SSB: variants seen among roughly 807,000 people sequenced by gnomAD.
SSB encodes the protein small RNA binding exonuclease protection factor La, also known as lupus La protein.
SSB carries 17 observed loss-of-function variants against 52.9 expected under a neutral mutation model. That is an observed-to-expected ratio of 0.32 (90% CI 0.22 to 0.48). The LOEUF is 0.48. Among genes scored for constraint, SSB ranks in the 20% least tolerant of loss-of-function variants. The probability of loss-of-function intolerance (pLI) is 0.99; values close to 1 mark genes in which losing one functional copy is unlikely to be tolerated. For missense variants in SSB, 314 were observed against 463.6 expected, an observed-to-expected ratio of 0.68 and a Z score of 2.96; for synonymous variants, 111 against 152.1, an observed-to-expected ratio of 0.73 and a Z score of 1.99.
At position 169,803,285 on chromosome 2, in the gene SSB, C is replaced by G. The variant is rs1689749119; in HGVS notation, c.67-2189C>G. Among the ~76,000 whole-genome samples the G allele has an allele frequency of 2.0e-5, 3 of 151,856 alleles. No homozygotes were observed. The South Asian group carries it at 6.2e-4, about 31-fold the overall frequency. Reference sequence around the variant, plus strand: ...ATTTATTTATTTTTTGTGATGGAGTCTCACTCTTGTCTCCCAGGCTGGAGT... The same window carrying G: ...ATTTATTTATTTTTTGTGATGGAGTGTCACTCTTGTCTCCCAGGCTGGAGT... On this transcript the variant is annotated intron_variant, in intron 2 of 11. Transcript: ENST00000260956.
intron 6 of SSB, among the ~76,000 whole-genome samples, chr2:169,807,775 T>G (rs2105702187): frequency 1.8e-5 from 2 of 110,400 alleles, no homozygotes; most frequent in South Asian, 5.9e-4. Flanking sequence ...TACAAAGGAT[T>G]TGAGATTTGG....
chr2:169,809,838 G>A (rs921072015), intron 8 of SSB, among the ~76,000 whole-genome samples: 2 of 151,748 alleles, frequency 1.3e-5, no homozygotes, highest in African/African-American at 4.8e-5. Context: ...GGATGCTCTC[G>A]ATCTCTTGAC....
intron 7 of SSB, 66 bp from the exon 8 acceptor site, chr2:169,808,793 CT>C: frequency 7.6e-7 from 1 of 1,320,372 alleles, no homozygotes; most frequent in Non-Finnish European, 1.1e-6. Context: ...GATTGGTTAA[CT>C]TTATTAGGAC....
intron 2 of SSB, among the ~76,000 whole-genome samples, chr2:169,803,129 A>G (rs1689746041): frequency 6.6e-6 from 1 of 152,196 alleles, no homozygotes; most frequent in African/African-American, 2.4e-5. Context: ...AATACTAGGT[A>G]GTCTTGGTTT....
At chr2:169,808,749 CT>C (rs1303653164) in intron 7 of SSB, 110 bp from the exon 8 acceptor site, 1 of 1,089,790 alleles carries the variant, frequency 9.2e-7, no homozygotes, top group Non-Finnish European at 1.3e-6. Context: ...AACCTAAGGA[CT>C]TCTGGCTTTG....
At chr2:169,801,551 G>T (rs1034999816) in intron 2 of SSB, among the ~76,000 whole-genome samples, 14 of 100,544 alleles carry the variant, frequency 1.4e-4, no homozygotes, top group African/African-American at 5.0e-4. Context: ...GTCTCACTCT[G>T]TTGGCCACGC....
chr2:169,809,401 A>G (rs1228520979), intron 8 of SSB, among the ~76,000 whole-genome samples: 2 of 152,120 alleles, frequency 1.3e-5, no homozygotes, highest in Non-Finnish European at 2.9e-5. Context: ...ATATAATAAA[A>G]CACAGGAAAA....
intron 1 of SSB, among the ~76,000 whole-genome samples, chr2:169,800,448 C>T (rs1341417982): frequency 2.8e-5 from 4 of 145,388 alleles, no homozygotes; most frequent in Admixed American, 7.5e-5. Flanking sequence ...AAGGCGGAAT[C>T]GCTGGAACCT....
Position 169,806,977 on chromosome 2 carries a change from A to G in SSB, c.460A>G (p.Ile154Val), listed in dbSNP as rs1469063925. The change falls in exon 6 of 12, where the codon ATT becomes GTT. Residue 154 changes from isoleucine (I) to valine (V), a missense_variant. Coordinates refer to ENST00000260956, the MANE Select transcript of SSB (RefSeq NM_003142.5). ...RTLHKAFKGS[I>V]FVVFDSIESA... ...TTTTCCTTCCTTTTTACAGGGATCA[A>G]TTTTTGTTGTGTTTGATAGCATTGA... 12 of 1,613,412 alleles carry G rather than the reference A, an allele frequency of 7.4e-6. No homozygotes were observed. The highest frequency in any genetic ancestry group is 2.7e-5 in the African/African-American group (2 of 74,886).
At chr2:169,807,760 T>TTTTTTTTTTTA (rs1553482596) in intron 6 of SSB, among the ~76,000 whole-genome samples, 8 of 132,476 alleles carry the variant, frequency 6.0e-5, no homozygotes, top group African/African-American at 8.2e-5. Flanking sequence ...TTTTTTTTTT[T>TTTTTTTTTTTA]ACAGTACAAA....
At chr2:169,810,131 G>A (rs1225646512) in intron 8 of SSB, 152 bp from the exon 9 acceptor site, 1 of 420,324 alleles carries the variant, frequency 2.4e-6, no homozygotes, top group Non-Finnish European at 4.2e-6. Flanking sequence ...TTGAGATGGA[G>A]TTTCGCTCTT....
intron 8 of SSB, 106 bp from the exon 9 acceptor site, chr2:169,810,177 T>G: frequency 1.5e-6 from 1 of 685,754 alleles, no homozygotes. Context: ...TAAAATAGCA[T>G]TTTGGTTTCT....
chr2:169,802,461 C>T (rs1182146038), intron 2 of SSB, among the ~76,000 whole-genome samples: 2 of 149,880 alleles, frequency 1.3e-5, no homozygotes, highest in Admixed American at 6.6e-5. Flanking sequence ...TAAAATGTCT[C>T]ATGTTCCTTT....
chr2:169,808,011 T>G (rs960755181), intron 6 of SSB, among the ~76,000 whole-genome samples: 2 of 152,182 alleles, frequency 1.3e-5, no homozygotes, highest in Non-Finnish European at 2.9e-5. Context: ...GATTTTCATA[T>G]GTTATTGTTG....
chr2:169,810,714 T>A (rs915935565), intron 9 of SSB, 144 bp from the exon 10 acceptor site: 1 of 805,784 alleles, frequency 1.2e-6, no homozygotes, highest in Non-Finnish European at 1.9e-6. Context: ...TCTGTAGCAT[T>A]CCTTTTCTAC....
intron 2 of SSB, among the ~76,000 whole-genome samples, chr2:169,804,984 G>A (rs774964263): frequency 6.6e-6 from 1 of 152,024 alleles, no homozygotes; most frequent in Non-Finnish European, 1.5e-5. Flanking sequence ...ACAAAAATTC[G>A]CTGGGCGTGG....
At chr2:169,807,333 G>A (rs1689850105) in intron 6 of SSB, among the ~76,000 whole-genome samples, 1 of 151,692 alleles carries the variant, frequency 6.6e-6, no homozygotes, top group African/African-American at 2.4e-5. Context: ...TTGTCACCCA[G>A]GCTGGAGTGC....
intron 4 of SSB, 65 bp from the exon 5 acceptor site, chr2:169,806,720 C>A (rs1462747714): frequency 7.0e-6 from 9 of 1,283,396 alleles, no homozygotes; most frequent in Non-Finnish European, 9.9e-6. Context: ...GAATCAAATT[C>A]TCTCCAATTG....
intron 2 of SSB, 59 bp from the exon 3 acceptor site, chr2:169,805,415 T>A (rs1689808920): frequency 2.4e-6 from 3 of 1,247,366 alleles, no homozygotes; most frequent in South Asian, 1.3e-5. Flanking sequence ...TGTAGAGTAA[T>A]GTCAGGATTG....
Sources: allele counts gnomAD v4.1 joint callset (sites outside exome capture counted in the v4.1 genomes callset), GRCh38; gene constraint gnomAD v4.1.1; transcripts MANE v1.5; gene names NCBI Gene and HGNC (gene_info 2026-07-23, HGNC 2026-07-21).